Variants in DSCC1 observed in about 807,000 individuals in gnomAD.
DSCC1 encodes the protein sister chromatid cohesion protein DCC1.
In DSCC1, 32 loss-of-function variants were observed where a neutral mutation model predicts 48.2. The ratio of observed to expected loss-of-function variants is 0.66; its 90% CI spans 0.50 to 0.89. DSCC1 has a LOEUF of 0.89. DSCC1 is among the 40% of genes least tolerant of loss of function. DSCC1 has a pLI of 0.00. For missense variants in DSCC1, 421 were observed against 471.7 expected (o/e 0.89, Z 1.00); for synonymous variants, 150 against 171.5 (o/e 0.87, Z 0.98).
chr8:119,846,466 T>C (rs1826858705), intron 4 of DSCC1, among the ~76,000 whole-genome samples: 1 of 152,110 alleles, frequency 6.6e-6, no homozygotes, highest in Non-Finnish European at 1.5e-5. Flanking sequence ...TCAAAAAAAT[T>C]GGAAGGAGTC....
At chr8:119,853,299 G>A in intron 1 of DSCC1, 84 bp from the exon 2 acceptor site, 1 of 1,327,864 alleles carries the variant, frequency 7.5e-7, no homozygotes, top group South Asian at 2.0e-5. Context: ...AACCCTCTAG[G>A]CTTGCAGAAC....
chr8:119,853,423 A>G (rs1283209631), intron 1 of DSCC1, among the ~76,000 whole-genome samples: 1 of 152,160 alleles, frequency 6.6e-6, no homozygotes, highest in South Asian at 2.1e-4. Flanking sequence ...GAGCCTCATT[A>G]AGGAAAAATA....
chr8:119,852,412 G>A (rs1237146688), intron 2 of DSCC1, among the ~76,000 whole-genome samples: 2 of 152,112 alleles, frequency 1.3e-5, no homozygotes, highest in Admixed American at 1.3e-4. Context: ...GGAGTGCAGT[G>A]GCGTGATCTC....
chr8:119,855,774 C>T lies in DSCC1; in HGVS notation c.22G>A (p.Val8Met). 1 of 1,550,526 alleles carries T rather than the reference C, an allele frequency of 6.4e-7. No individual in the cohort carries two copies. Among genetic ancestry groups the T allele is most frequent in the Non-Finnish European group, 8.7e-7 (1 of 1,148,712 alleles). ...TTGGCGATCTGCAGCGTCGCATCCA[C>T]CTCGTCGCGGGTCCTCTTCATCGCA... is the stretch of plus-strand genomic sequence containing the variant. Reference protein sequence around the residue: MKRTRDEVDATLQIAKLN... With the variant: MKRTRDEMDATLQIAKLN... Residue 8 changes from valine to methionine, a missense_variant, in exon 1 of 9, where the codon GTG (valine) becomes ATG (methionine). Physicochemically the swap from Val to Met is conservative, Grantham distance 21 (BLOSUM62 1). Transcript: ENST00000313655.
Position 119,853,118 on chromosome 8 carries a change from A to G in DSCC1, c.280T>C (p.Phe94Leu). Residue 94 changes from phenylalanine (F) to leucine (L), a missense_variant, in exon 2 of 9, where the codon TTC (phenylalanine) becomes CTC (leucine). Phe to Leu is a conservative substitution (Grantham distance 22, BLOSUM62 0). This residue lies in a region of DSCC1 where 174 missense variants were observed against 184.5 expected (regional missense o/e 0.94). Coordinates refer to ENST00000313655, the MANE Select transcript of DSCC1 (RefSeq NM_024094.3). ...KIADTSNMLL[F>L]IPGCKTPDQL... ...TCCGGAGTTTTACAACCAGGAATGA[A>G]AAGCAACATATTGGAAGTGTCTGCT... The G allele has an allele frequency of 6.2e-7, 1 of 1,614,160 alleles. No homozygotes were observed. The highest frequency in any genetic ancestry group is 1.7e-5 in the Admixed American group (1 of 59,996).
chr8:119,855,767 G>A lies in DSCC1; in HGVS notation c.29C>T (p.Ala10Val). The change falls in exon 1 of 9, where the codon GCG (alanine) becomes GTG (valine). Residue 10 changes from alanine (A) to valine (V), a missense_variant. Transcript: ENST00000313655. ...ATTCAGCTTGGCGATCTGCAGCGTC[G>A]CATCCACCTCGTCGCGGGTCCTCTT... MKRTRDEVD[A>V]TLQIAKLNAA... The A allele has an allele frequency of 6.4e-7, 1 of 1,558,042 alleles. No homozygotes were observed. The highest frequency in any genetic ancestry group is 1.8e-5 in the Admixed American group (1 of 55,084).
intron 3 of DSCC1, among the ~76,000 whole-genome samples, chr8:119,850,097 T>C (rs1391447363): frequency 6.6e-6 from 1 of 152,130 alleles, no homozygotes; most frequent in Non-Finnish European, 1.5e-5. Flanking sequence ...TTATGATATA[T>C]AGGATCTGCT....
chr8:119,836,129 A>G (rs1206499077), intron 8 of DSCC1, among the ~76,000 whole-genome samples: 2 of 152,256 alleles, frequency 1.3e-5, no homozygotes, highest in African/African-American at 4.8e-5. Flanking sequence ...CCTGGCCAAC[A>G]TGGTGAAACC....
intron 3 of DSCC1, 27 bp from the exon 4 acceptor site, chr8:119,847,107 G>A: frequency 6.3e-7 from 1 of 1,583,122 alleles, no homozygotes. Context: ...ATATTTTAAG[G>A]CCTTTGAAGA....
chr8:119,836,705 C>T (rs184780883), intron 8 of DSCC1, among the ~76,000 whole-genome samples: 10 of 151,954 alleles, frequency 6.6e-5, no homozygotes, highest in African/African-American at 2.4e-4. Flanking sequence ...ATCTGGACCT[C>T]AGGGAAAAGG....
In DSCC1 at chr8:119,842,822, C is replaced by A; in HGVS notation, c.723G>T (p.Met241Ile). ...QELGPLEPEE[M>I]IEHCLKCYGK... is the part of the protein sequence containing the mutation. Reference sequence around the variant, plus strand: ...CATAACATTTAAGACAGTGTTCTATCATTTCCCTGAAAAATTTAAAACACC... The same window carrying A: ...CATAACATTTAAGACAGTGTTCTATAATTTCCCTGAAAAATTTAAAACACC... Residue 241 changes from methionine (M) to isoleucine (I), a missense_variant, in exon 6 of 9, where the codon ATG becomes ATT. Met to Ile is a conservative substitution (Grantham distance 10). This residue lies in a region of DSCC1 where 238 missense variants were observed against 259.0 expected (regional missense o/e 0.92). Transcript: ENST00000313655. 6.3e-7 allele frequency: 1 copy of A among 1,593,670 alleles called. No homozygotes were observed. Among genetic ancestry groups the A allele is most frequent in the Non-Finnish European group, 8.5e-7 (1 of 1,173,096 alleles).
chr8:119,853,936 G>A (rs1222238417), intron 1 of DSCC1, among the ~76,000 whole-genome samples: 1 of 152,204 alleles, frequency 6.6e-6, no homozygotes, highest in Non-Finnish European at 1.5e-5. Context: ...AAGCAAGAAC[G>A]CAGTGGCTCA....
chr8:119,844,806 T>G (rs1157518479), intron 4 of DSCC1, among the ~76,000 whole-genome samples: 1 of 152,184 alleles, frequency 6.6e-6, no homozygotes, highest in Non-Finnish European at 1.5e-5. Context: ...GTCATTTCAT[T>G]AGAATGTCAT....
chr8:119,851,144 A>C (rs1826938492), intron 2 of DSCC1, among the ~76,000 whole-genome samples: 1 of 152,202 alleles, frequency 6.6e-6, no homozygotes, highest in Non-Finnish European at 1.5e-5. Flanking sequence ...CACTTACAGG[A>C]CTTGCCTAGT....
intron 8 of DSCC1, 132 bp from the exon 9 acceptor site, chr8:119,835,133 G>C (rs935858379): frequency 3.3e-6 from 2 of 611,858 alleles, no homozygotes; most frequent in African/African-American, 3.9e-5. Flanking sequence ...GTGTTTGTGG[G>C]AGAGATAGGG....
chr8:119,844,794 C>G (rs768568252), intron 4 of DSCC1, among the ~76,000 whole-genome samples: 12 of 152,104 alleles, frequency 7.9e-5, no homozygotes, highest in African/African-American at 2.4e-4. Context: ...GCAGTTGGTA[C>G]AGTCATTTCA....
intron 4 of DSCC1, 22 bp from the exon 5 acceptor site, chr8:119,843,769 T>C: frequency 6.3e-7 from 1 of 1,597,402 alleles, no homozygotes; most frequent in Non-Finnish European, 8.5e-7. Flanking sequence ...AAAAGTTATA[T>C]TTACCAAAGA....
At chr8:119,844,879 T>C (rs1353434599) in intron 4 of DSCC1, among the ~76,000 whole-genome samples, 2 of 152,252 alleles carry the variant, frequency 1.3e-5, no homozygotes, top group Admixed American at 6.5e-5. Context: ...TGCACTACCA[T>C]AGTTATAACT....
chr8:119,851,799 C>T (rs886445036), intron 2 of DSCC1, among the ~76,000 whole-genome samples: 16 of 152,082 alleles, frequency 1.1e-4, no homozygotes, highest in East Asian at 3.9e-4. Context: ...GGTTCAATCA[C>T]GGATTATGGC....
Sources: allele counts gnomAD v4.1 joint callset (sites outside exome capture counted in the v4.1 genomes callset), GRCh38; gene constraint gnomAD v4.1.1; regional missense constraint gnomAD v4.1.1; transcripts MANE v1.5; gene names NCBI Gene and HGNC (gene_info 2026-07-23, HGNC 2026-07-21).